Variants in GRK7 observed in about 807,000 individuals in gnomAD.
GRK7 encodes rhodopsin kinase GRK7.
Under a neutral mutation model 34.1 loss-of-function variants are expected in GRK7, and 24 were observed. The ratio of observed to expected loss-of-function variants is 0.70; its 90% CI spans 0.51 to 0.99. The LOEUF (loss-of-function observed/expected upper bound fraction) is 0.99, where lower values mean the gene tolerates loss of function less well. GRK7 is among the 50% of genes least tolerant of loss of function. The pLI is 0.00. For synonymous variants in GRK7, 256 were observed against 279.4 expected, an observed-to-expected ratio of 0.92 and a Z score of 0.84; for missense variants, 644 against 707.3, an observed-to-expected ratio of 0.91 and a Z score of 1.02.
the GRK7 span, among the ~76,000 whole-genome samples, chr3:141,754,890 A>G: frequency 6.6e-6 from 1 of 152,184 alleles, no homozygotes; most frequent in South Asian, 2.1e-4. Flanking sequence ...ATATTTTTTA[A>G]TATGCCAACT....
chr3:141,782,020 A>G (rs1199958926), intron 4 of GRK7, among the ~76,000 whole-genome samples: 25 of 152,148 alleles, frequency 1.6e-4, no homozygotes, highest in Non-Finnish European at 1.5e-5. Context: ...TGCTGTGGTG[A>G]TTTTATGTGG....
chr3:141,815,515 G>C (rs891219399), intron 5 of GRK7, among the ~76,000 whole-genome samples: 2 of 152,054 alleles, frequency 1.3e-5, no homozygotes, highest in African/African-American at 4.8e-5. Flanking sequence ...GTAACCAAGA[G>C]GAGTATGGTA....
chr3:141,769,753 G>A (rs1215943955), intron 1 of GRK7, among the ~76,000 whole-genome samples: 3 of 152,128 alleles, frequency 2.0e-5, no homozygotes, highest in East Asian at 1.9e-4. Flanking sequence ...ACTCGGCCTC[G>A]TGTGTGACCT....
intron 4 of GRK7, among the ~76,000 whole-genome samples, chr3:141,786,204 G>A (rs1194524064): frequency 1.3e-5 from 2 of 152,142 alleles, no homozygotes; most frequent in Admixed American, 6.5e-5. Context: ...GGTGTTGGGT[G>A]AGCTGACAGC....
rs775522873 is a variant in GRK7, at chr3:141,778,812, G to C, written c.528G>C (p.Leu176=). 6.2e-7 allele frequency: 1 copy of C among 1,610,666 alleles called. No homozygotes were observed. The highest frequency in any genetic ancestry group is 1.7e-5 in the Admixed American group (1 of 59,356). Residue 176 remains leucine, a synonymous_variant, in exon 3 of 6, where the codon CTG becomes CTC. Coordinates refer to ENST00000682958, the MANE Select transcript of GRK7 (RefSeq NM_139209.3). This position sits in a 1 kb window ranked among gnomAD's most constrained non-coding sequence, Gnocchi z 4.1. ...FVTSAFYDKF[L]QWKLFEMQPV... is the part of the protein sequence containing the mutation. The stretch of plus-strand genomic sequence containing the variant: ...CCAGCGCCTTCTACGACAAGTTTCT[G>C]CAGTGGAAACTCTTCGAGATGCAAC...
Position 141,816,848 on chromosome 3 carries a change from A to G in GRK7, c.1460A>G (p.Asp487Gly), listed in dbSNP as rs1199812392. The G allele has an allele frequency of 6.2e-7, 1 of 1,614,052 alleles. No homozygotes were observed. The highest frequency in any genetic ancestry group is 1.3e-5 in the African/African-American group (1 of 75,034). Residue 487 changes from aspartate (D) to glycine (G), a missense_variant, in exon 6 of 6, where the codon GAT becomes GGT. Physicochemically the swap from Asp to Gly is moderately conservative, Grantham distance 94. Coordinates refer to ENST00000682958, the MANE Select transcript of GRK7 (RefSeq NM_139209.3). ...TATGCCAAAGACATCGCTGAAATTGATGATTTCTCTGAGGTTCGGGGGGTG... is the reference window on the plus strand; with the variant it reads ...TATGCCAAAGACATCGCTGAAATTGGTGATTTCTCTGAGGTTCGGGGGGTG... The part of the protein sequence containing the change: ...VVYAKDIAEI[D>G]DFSEVRGVEF...
intron 5 of GRK7, among the ~76,000 whole-genome samples, chr3:141,815,648 TG>T (rs1711144279): frequency 6.8e-6 from 1 of 146,688 alleles, no homozygotes. Context: ...AGTGATGAGA[TG>T]TCACTTCTAA....
At chr3:141,767,013 G>A (rs1395555010) in intron 1 of GRK7, among the ~76,000 whole-genome samples, 1 of 152,198 alleles carries the variant, frequency 6.6e-6, no homozygotes, top group Non-Finnish European at 1.5e-5. Context: ...TTATGAGAAT[G>A]CAGTCATTAT....
rs779581517 is a variant in GRK7, at chr3:141,807,883, T to C, written c.1289T>C (p.Phe430Ser). The change falls in exon 5 of 6, where the codon TTC (phenylalanine) becomes TCC (serine). Residue 430 changes from phenylalanine (F) to serine (S), a missense_variant. Coordinates refer to ENST00000682958, the MANE Select transcript of GRK7 (RefSeq NM_139209.3). ...GAAGCAAAAGATATTTGCAGGCTCT[T>C]CTTGGCTAAGAAACCAGAGCAACGC... is the stretch of plus-strand genomic sequence containing the variant. ...TEEAKDICRL[F>S]LAKKPEQRLG... is the part of the protein sequence containing the mutation. The C allele has an allele frequency of 6.2e-7, 1 of 1,605,822 alleles. No homozygotes were observed. Among genetic ancestry groups the C allele is most frequent in the Non-Finnish European group, 8.5e-7 (1 of 1,175,148 alleles).
chr3:141,807,567 G>C, intron 4 of GRK7, 78 bp from the exon 5 acceptor site: 1 of 1,243,324 alleles, frequency 8.0e-7, no homozygotes, highest in Non-Finnish European at 1.1e-6. Context: ...GTATTAGGTA[G>C]GCAGTCAGCA....
chr3:141,771,677 G>T (rs2084617631), intron 1 of GRK7, among the ~76,000 whole-genome samples: 3 of 150,800 alleles, frequency 2.0e-5, no homozygotes, highest in African/African-American at 7.5e-5. Flanking sequence ...AACTGTGCTT[G>T]TACCTCCCAA....
chr3:141,784,950 G>A (rs1353234904), intron 4 of GRK7, among the ~76,000 whole-genome samples: 4 of 152,274 alleles, frequency 2.6e-5, no homozygotes, highest in East Asian at 1.9e-4. Flanking sequence ...TCAGCCCCAC[G>A]CGATGCCCTG....
intron 2 of GRK7, among the ~76,000 whole-genome samples, 124 bp downstream of exon 2, chr3:141,774,804 ATTATTATTATTAATTATTATTAT>A (rs2084631763): frequency 9.7e-6 from 1 of 103,508 alleles, no homozygotes; most frequent in Admixed American, 9.6e-5. Context: ...TATTATTATT[ATTATTATTATTAATTATTATTAT>A]ATGTTTTGAG....
intron 4 of GRK7, among the ~76,000 whole-genome samples, chr3:141,797,373 C>G (rs1332667115): frequency 6.6e-6 from 1 of 152,166 alleles, no homozygotes; most frequent in African/African-American, 2.4e-5. Context: ...GAGCTAAGTC[C>G]CCTGGGGTCC....
intron 4 of GRK7, among the ~76,000 whole-genome samples, chr3:141,789,581 T>G (rs1054921471): frequency 3.4e-5 from 5 of 147,486 alleles, no homozygotes; most frequent in Non-Finnish European, 7.4e-5. Flanking sequence ...GTAAATCTCA[T>G]GGATCGAGAG....
intron 4 of GRK7, among the ~76,000 whole-genome samples, chr3:141,792,902 T>C (rs953247594): frequency 6.6e-6 from 1 of 152,168 alleles, no homozygotes; most frequent in Non-Finnish European, 1.5e-5. Flanking sequence ...ATCATGCCTG[T>C]GTAATGAAGA....
chr3:141,810,310 C>G (rs913882968), intron 5 of GRK7, among the ~76,000 whole-genome samples: 18 of 151,318 alleles, frequency 1.2e-4, no homozygotes, highest in African/African-American at 3.9e-4. Flanking sequence ...CCCCATCCCT[C>G]CTTCCCTTCC....
intron 4 of GRK7, among the ~76,000 whole-genome samples, chr3:141,803,350 G>T (rs1440185189): frequency 6.6e-6 from 1 of 150,964 alleles, no homozygotes; most frequent in Admixed American, 6.6e-5. Flanking sequence ...AGAATCGCTT[G>T]AACCGGGGAG....
intron 4 of GRK7, among the ~76,000 whole-genome samples, chr3:141,806,235 G>A (rs940417663): frequency 2.6e-5 from 4 of 152,054 alleles, no homozygotes; most frequent in Non-Finnish European, 4.4e-5. Context: ...GTTACCTTTC[G>A]TTTCCCATTG....
Sources: gnomAD v4.1 joint callset for allele counts (sites outside exome capture counted in the v4.1 genomes callset) on GRCh38, gnomAD v4.1.1 for gene constraint, Gnocchi (gnomAD v3.1) non-coding constraint, MANE v1.5 for transcripts, NCBI Gene and HGNC (gene_info 2026-07-23, HGNC 2026-07-21) for gene names.